The following CNTN1 variants were observed in gnomAD, a reference collection of about 807,000 sequenced individuals.
CNTN1 encodes contactin 1.
In CNTN1, 38 loss-of-function variants were observed where a neutral mutation model predicts 126.4. The observed-to-expected ratio is 0.30, with a 90% CI of 0.23 to 0.39. The LOEUF (loss-of-function observed/expected upper bound fraction) is 0.39, where lower values mean the gene tolerates loss of function less well. CNTN1 is among the 10% of genes least tolerant of loss of function. The probability of loss-of-function intolerance (pLI) is 1.00; values close to 1 mark genes in which losing one functional copy is unlikely to be tolerated. For synonymous variants in CNTN1, 413 were observed against 422.6 expected (o/e 0.98, Z 0.28); for missense variants, 1,009 against 1,248.4 (o/e 0.81, Z 2.89).
At chr12:41,008,840 T>C (rs1948573242) in intron 17 of CNTN1, among the ~76,000 whole-genome samples, 3 of 152,238 alleles carry the variant, frequency 2.0e-5, no homozygotes, top group Non-Finnish European at 4.4e-5. Flanking sequence ...CTCTTTCCTT[T>C]ATAACCTTCT....
chr12:40,797,255 G>A (rs1195053818), intron 1 of CNTN1, among the ~76,000 whole-genome samples: 1 of 152,066 alleles, frequency 6.6e-6, no homozygotes, highest in Non-Finnish European at 1.5e-5. Flanking sequence ...GTTCTACCTA[G>A]AAAAAGTATG....
intron 1 of CNTN1, among the ~76,000 whole-genome samples, chr12:40,900,048 T>G (rs1944553241): frequency 6.6e-6 from 1 of 152,222 alleles, no homozygotes; most frequent in African/African-American, 2.4e-5. Context: ...TGTAATCCCT[T>G]TAAGTCAGTC....
At chr12:40,833,959 T>C (rs779395814) in intron 1 of CNTN1, among the ~76,000 whole-genome samples, 1 of 152,198 alleles carries the variant, frequency 6.6e-6, no homozygotes, top group South Asian at 2.1e-4. Context: ...TAATATCTGA[T>C]GAGGAACTAC....
chr12:40,805,548 A>T (rs1940818574), intron 1 of CNTN1, among the ~76,000 whole-genome samples: 1 of 152,080 alleles, frequency 6.6e-6, no homozygotes, highest in Non-Finnish European at 1.5e-5. Flanking sequence ...TTCCTGCTTA[A>T]ATTCTCACTT....
chr12:40,767,295 T>C (rs1465738507), intron 1 of CNTN1, among the ~76,000 whole-genome samples: 1 of 143,496 alleles, frequency 7.0e-6, no homozygotes, highest in Non-Finnish European at 1.5e-5. Context: ...TTATTTCTGC[T>C]GACCTTTCCT....
At chr12:40,705,418 G>T (rs1478709666) in intron 1 of CNTN1, among the ~76,000 whole-genome samples, 1 of 151,914 alleles carries the variant, frequency 6.6e-6, no homozygotes, top group Non-Finnish European at 1.5e-5. Flanking sequence ...TTGAGATGGG[G>T]TAAGCGTTGT....
intron 1 of CNTN1, among the ~76,000 whole-genome samples, chr12:40,849,837 T>C (rs1327698982): frequency 1.3e-5 from 2 of 152,000 alleles, no homozygotes; most frequent in Non-Finnish European, 1.5e-5. Flanking sequence ...TTAAAGCCTG[T>C]GAGACACAGA....
At chr12:40,693,231 A>G (rs990876512) in intron 1 of CNTN1, among the ~76,000 whole-genome samples, 6 of 152,188 alleles carry the variant, frequency 3.9e-5, no homozygotes, top group Admixed American at 3.9e-4. Flanking sequence ...CTTCTCCACG[A>G]TCTGCGGCAG....
At chr12:40,729,257 G>T in intron 1 of CNTN1, 1 of 169,508 alleles carries the variant, frequency 5.9e-6, no homozygotes, top group Admixed American at 5.9e-5. Flanking sequence ...TATTGCTGCT[G>T]GGCTGGTTAA....
intron 16 of CNTN1, among the ~76,000 whole-genome samples, chr12:40,988,972 G>A (rs1948035408): frequency 6.6e-6 from 1 of 152,154 alleles, no homozygotes; most frequent in Admixed American, 6.5e-5. Flanking sequence ...TCCATCCCCA[G>A]TATTTGCCTC....
rs1491191246 is a variant in CNTN1, at chr12:40,949,417, TAC to T, written c.1683+5248_1683+5249del. Among the ~76,000 whole-genome samples, 522 of 100,234 alleles carry T rather than the reference TAC, an allele frequency of 5.2e-3. 1 individual carries two copies. Among genetic ancestry groups the T allele is most frequent in the Non-Finnish European group, 8.1e-3 (392 of 48,426 alleles). 65.8% of individuals were successfully genotyped at this position (100,234 alleles called of 152,430 possible). The stretch of plus-strand genomic sequence containing the variant: ...TAGGTATATCTCCCGATGCTATCCC[TAC>T]CCCCCCTCCCCCCACCCCACAACAG... On this transcript the variant is annotated intron_variant, in intron 14 of 23. Transcript: ENST00000551295.
chr12:41,007,277 G>T (rs1170722389), intron 17 of CNTN1, among the ~76,000 whole-genome samples: 1 of 151,812 alleles, frequency 6.6e-6, no homozygotes, highest in African/African-American at 2.4e-5. Flanking sequence ...AGCCGGGATG[G>T]TCTTGATCTC....
At chr12:40,857,901 T>C (rs1239030615) in intron 1 of CNTN1, among the ~76,000 whole-genome samples, 1 of 152,136 alleles carries the variant, frequency 6.6e-6, no homozygotes, top group Non-Finnish European at 1.5e-5. Context: ...GGTGGTGGGA[T>C]ATTACTTTTT....
At chr12:40,816,975 C>T (rs1349110959) in intron 1 of CNTN1, among the ~76,000 whole-genome samples, 1 of 152,146 alleles carries the variant, frequency 6.6e-6, no homozygotes, top group Admixed American at 6.5e-5. Context: ...GTTTCTTAAT[C>T]CTGGGTTCTA....
chr12:40,726,150 A>G (rs1942346248), intron 1 of CNTN1, among the ~76,000 whole-genome samples: 1 of 152,180 alleles, frequency 6.6e-6, no homozygotes, highest in Non-Finnish European at 1.5e-5. Flanking sequence ...CCACTCCAGA[A>G]TTAGAATATA....
intron 1 of CNTN1, among the ~76,000 whole-genome samples, chr12:40,815,297 T>C (rs1941222296): frequency 6.6e-6 from 1 of 152,228 alleles, no homozygotes; most frequent in South Asian, 2.1e-4. Context: ...GGAATATTTT[T>C]CCATTTGTTT....
At chr12:40,826,281 C>T (rs1177283316) in intron 1 of CNTN1, among the ~76,000 whole-genome samples, 1 of 151,850 alleles carries the variant, frequency 6.6e-6, no homozygotes, top group Non-Finnish European at 1.5e-5. Context: ...ATTGATAAAA[C>T]TTCTGTGATT....
intron 14 of CNTN1, 28 bp from the exon 15 acceptor site, chr12:40,959,086 T>G: frequency 6.2e-7 from 1 of 1,611,490 alleles, no homozygotes; most frequent in South Asian, 1.1e-5. Flanking sequence ...AATGTACTGA[T>G]TTGAATAATT....
At chr12:40,960,388 A>C (rs547323488) in intron 15 of CNTN1, among the ~76,000 whole-genome samples, 1 of 152,114 alleles carries the variant, frequency 6.6e-6, no homozygotes, top group East Asian at 1.9e-4. Context: ...TATCAGATAA[A>C]TTGGCAATAA....
Sources: allele counts gnomAD v4.1 joint callset (sites outside exome capture counted in the v4.1 genomes callset), GRCh38; gene constraint gnomAD v4.1.1; transcripts MANE v1.5; gene names NCBI Gene and HGNC (gene_info 2026-07-23, HGNC 2026-07-21).